The following PRR16 variants were observed in gnomAD, a reference collection of about 807,000 sequenced individuals.
PRR16 encodes proline rich 16.
A neutral mutation model predicts 18.2 loss-of-function variants in PRR16; 6 were observed. The observed-to-expected ratio is 0.33, with a 90% CI of 0.18 to 0.65. PRR16 has a LOEUF of 0.65. Among genes scored for constraint, PRR16 ranks in the 30% least tolerant of loss-of-function variants. The pLI is 0.74. For missense variants in PRR16, 412 were observed against 376.6 expected, an observed-to-expected ratio of 1.09 and a Z score of -0.78; for synonymous variants, 151 against 147.8, an observed-to-expected ratio of 1.02 and a Z score of -0.16.
chr5:120,657,277 A>C (rs939084000), intron 1 of PRR16, among the ~76,000 whole-genome samples: 2 of 151,952 alleles, frequency 1.3e-5, no homozygotes, highest in African/African-American at 4.8e-5. Flanking sequence ...TAGAGTAAGC[A>C]GATTGAAGCT....
the PRR16 span, among the ~76,000 whole-genome samples, chr5:120,746,192 C>A: frequency 6.6e-6 from 1 of 151,820 alleles, no homozygotes; most frequent in South Asian, 2.1e-4. Context: ...ATGATTGACA[C>A]TGAAACATGT....
chr5:120,748,842 G>A, the PRR16 span, among the ~76,000 whole-genome samples: 2 of 152,160 alleles, frequency 1.3e-5, no homozygotes, highest in Admixed American at 6.5e-5. Context: ...CTATGAGAGC[G>A]TGCAGCAATC....
chr5:120,538,096 A>G (rs1751788539), intron 1 of PRR16, among the ~76,000 whole-genome samples: 1 of 152,198 alleles, frequency 6.6e-6, no homozygotes. Context: ...ATATAAGCAT[A>G]ATATTAGAAG....
the PRR16 span, among the ~76,000 whole-genome samples, chr5:120,732,969 C>T: frequency 6.6e-6 from 1 of 152,080 alleles, no homozygotes; most frequent in Non-Finnish European, 1.5e-5. Flanking sequence ...AAGGGTAAAG[C>T]TATATGTTTG....
chr5:120,784,106 G>T, the PRR16 span, among the ~76,000 whole-genome samples: 523 of 152,132 alleles, frequency 3.4e-3, 2 homozygotes, highest in South Asian at 8.5e-3. Context: ...TCCATTCATT[G>T]GTTGATGGAC....
chr5:120,739,269 TA>T, the PRR16 span, among the ~76,000 whole-genome samples: 261 of 152,222 alleles, frequency 1.7e-3, no homozygotes, highest in Non-Finnish European at 3.3e-3. Flanking sequence ...GATACTGTTA[TA>T]AAAAAATTTG....
intron 1 of PRR16, among the ~76,000 whole-genome samples, chr5:120,644,456 T>C (rs976926603): frequency 6.6e-6 from 1 of 152,058 alleles, no homozygotes; most frequent in African/African-American, 2.4e-5. Flanking sequence ...AAGAACCTCA[T>C]GGGATTTGGA....
intron 1 of PRR16, among the ~76,000 whole-genome samples, chr5:120,613,386 A>C (rs1371475564): frequency 2.6e-5 from 4 of 151,020 alleles, no homozygotes; most frequent in Non-Finnish European, 5.9e-5. Context: ...TTTTCTGTTT[A>C]CATTTTTTAA....
chr5:120,726,734 T>C, the PRR16 span, among the ~76,000 whole-genome samples: 6 of 152,066 alleles, frequency 3.9e-5, no homozygotes, highest in African/African-American at 1.4e-4. Context: ...TCATATCTAT[T>C]GCCTCTTCTG....
At chr5:120,611,366 A>G (rs1431905396) in intron 1 of PRR16, among the ~76,000 whole-genome samples, 3 of 152,270 alleles carry the variant, frequency 2.0e-5, no homozygotes, top group African/African-American at 4.8e-5. Context: ...CCCCAAGACC[A>G]TGGGGAAAAC....
the PRR16 span, among the ~76,000 whole-genome samples, chr5:120,770,884 T>C: frequency 6.6e-6 from 1 of 151,658 alleles, no homozygotes; most frequent in Non-Finnish European, 1.5e-5. Flanking sequence ...TACTAGCTTT[T>C]CTGAATTCCC....
At chr5:120,534,541 C>T (rs1751653877) in intron 1 of PRR16, among the ~76,000 whole-genome samples, 1 of 151,966 alleles carries the variant, frequency 6.6e-6, no homozygotes, top group African/African-American at 2.4e-5. Flanking sequence ...TGGAATGTAT[C>T]TTTTTTGTAT....
At chr5:120,525,202 G>T (rs1405445399) in intron 1 of PRR16, among the ~76,000 whole-genome samples, 3 of 151,750 alleles carry the variant, frequency 2.0e-5, no homozygotes, top group African/African-American at 7.3e-5. Context: ...AATATGAGAG[G>T]GCCCCATTAT....
At chr5:120,667,406 C>G (rs1756427973) in intron 1 of PRR16, among the ~76,000 whole-genome samples, 1 of 152,078 alleles carries the variant, frequency 6.6e-6, no homozygotes, top group Non-Finnish European at 1.5e-5. Context: ...AAAAAACCAG[C>G]TCCTGGATTC....
At chr5:120,467,897 T>C (rs981118846) in intron 1 of PRR16, among the ~76,000 whole-genome samples, 3 of 152,174 alleles carry the variant, frequency 2.0e-5, no homozygotes, top group Admixed American at 1.3e-4. Context: ...AGTATACTTA[T>C]TGAGCACCTA....
At chr5:120,468,263 A>C (rs1749165862) in intron 1 of PRR16, among the ~76,000 whole-genome samples, 1 of 152,210 alleles carries the variant, frequency 6.6e-6, no homozygotes, top group Non-Finnish European at 1.5e-5. Context: ...GATCAATACC[A>C]TATACAGGAG....
chr5:120,696,411 G>A, the PRR16 span, among the ~76,000 whole-genome samples: 7 of 152,172 alleles, frequency 4.6e-5, no homozygotes, highest in East Asian at 1.9e-4. Context: ...CCATACCTAC[G>A]TTTACTAACA....
At chr5:120,492,600 C>T (rs978921332) in intron 1 of PRR16, among the ~76,000 whole-genome samples, 1 of 151,838 alleles carries the variant, frequency 6.6e-6, no homozygotes, top group East Asian at 1.9e-4. Context: ...TTTGGGAGTA[C>T]AGGAGGTTTT....
intron 1 of PRR16, among the ~76,000 whole-genome samples, chr5:120,546,907 T>C (rs781416619): frequency 5.3e-5 from 8 of 151,982 alleles, no homozygotes; most frequent in Non-Finnish European, 1.2e-4. Context: ...GTCTCCAGAG[T>C]GGCAGTATAT....
Sources: gnomAD v4.1 joint callset for allele counts (sites outside exome capture counted in the v4.1 genomes callset) on GRCh38, gnomAD v4.1.1 for gene constraint, MANE v1.5 for transcripts, NCBI Gene and HGNC (gene_info 2026-07-23, HGNC 2026-07-21) for gene names.